Variants in VPS13B observed in about 807,000 individuals in gnomAD.
VPS13B encodes vacuolar protein sorting 13 homolog B, also known as intermembrane lipid transfer protein VPS13B.
A neutral mutation model predicts 426.4 loss-of-function variants in VPS13B; 285 were observed. That is an observed-to-expected ratio of 0.67 (90% confidence interval 0.61 to 0.74). The LOEUF (loss-of-function observed/expected upper bound fraction) is 0.74. VPS13B is among the 30% of genes least tolerant of loss of function. The pLI is 0.00. For missense variants in VPS13B, 4,537 were observed against 4,782.6 expected (o/e 0.95, Z 1.51); for synonymous variants, 1,676 against 1,676.4 (o/e 1.00, Z 0.01).
At chr8:99,259,973 A>G (rs779918074) in intron 17 of VPS13B, among the ~76,000 whole-genome samples, 2 of 152,078 alleles carry the variant, frequency 1.3e-5, no homozygotes, top group Non-Finnish European at 2.9e-5. Context: ...GACTTTTAAA[A>G]TAATTGAAGA....
intron 22 of VPS13B, among the ~76,000 whole-genome samples, chr8:99,438,915 T>G (rs1040988649): frequency 2.6e-5 from 4 of 152,188 alleles, no homozygotes; most frequent in African/African-American, 7.2e-5. Flanking sequence ...ATATATGGGA[T>G]CTCGCCTATA....
chr8:99,857,893 C>G (rs1367341395), intron 56 of VPS13B, among the ~76,000 whole-genome samples: 1 of 152,224 alleles, frequency 6.6e-6, no homozygotes, highest in African/African-American at 2.4e-5. Flanking sequence ...ATTATTCCCT[C>G]CTTTGCCCTA....
chr8:99,270,131 C>CTTTTTTTTGTTTTTTTT lies in VPS13B; in HGVS notation c.2516-4059_2516-4058insGTTTTTTTTTTTTTTTT, dbSNP rs1818504327. Among the ~76,000 whole-genome samples, 2 of 30,312 alleles carry CTTTTTTTTGTTTTTTTT rather than the reference C, an allele frequency of 6.6e-5. 1 individual carries two copies. The highest frequency in any genetic ancestry group is 2.2e-4 in the African/African-American group (2 of 9,054). The allele number at this position is 30,312 out of a possible 152,430, so 19.9% of individuals were successfully genotyped here. A position where few individuals can be genotyped will look rare whatever the true frequency, so the allele number is the denominator to read the frequency against. ...ATATAGGTATATAAGATATAAGAAT[C>CTTTTTTTTGTTTTTTTT]TTTTTTTTTTTTTTTTTTTTTTTTT... On this transcript the variant is annotated intron_variant, in intron 17 of 61. Transcript: ENST00000357162.
At chr8:99,710,619 G>A (rs752888008) in intron 36 of VPS13B, among the ~76,000 whole-genome samples, 29 of 125,456 alleles carry the variant, frequency 2.3e-4, no homozygotes, top group Non-Finnish European at 4.1e-4. Flanking sequence ...CGTATTTTGT[G>A]GTAAAAGTGT....
intron 35 of VPS13B, among the ~76,000 whole-genome samples, chr8:99,679,120 T>G (rs1365448226): frequency 6.6e-6 from 1 of 152,216 alleles, no homozygotes; most frequent in East Asian, 1.9e-4. Flanking sequence ...TCTTCTGGAA[T>G]AGTTTCCCTT....
At chr8:99,726,873 A>G (rs1833372129) in intron 39 of VPS13B, among the ~76,000 whole-genome samples, 1 of 152,202 alleles carries the variant, frequency 6.6e-6, no homozygotes. Context: ...TAAGTTACCC[A>G]GTATGAAGTA....
At chr8:99,176,408 A>G (rs1012441428) in intron 16 of VPS13B, among the ~76,000 whole-genome samples, 1 of 152,100 alleles carries the variant, frequency 6.6e-6, no homozygotes, top group South Asian at 2.1e-4. Context: ...AAGTGCTGGG[A>G]TTACAGGCAT....
rs185669157 is a variant in VPS13B at position 99,116,419 on chromosome 8, T to C, written c.937+545T>C. Among the ~76,000 whole-genome samples the C allele has an allele frequency of 2.2e-3, 328 of 152,244 alleles. 3 individuals carry two copies. The highest frequency in any genetic ancestry group is 4.8e-3 in the South Asian group (23 of 4,828). On this transcript the variant is annotated intron_variant, in intron 7 of 61. Transcript: ENST00000357162. ...ATAACTTCTATATTTATAATAGATA[T>C]AAGTGTTCAGAATGTACTACTTATT...
At chr8:99,627,502 A>G (rs1193257849) in intron 33 of VPS13B, among the ~76,000 whole-genome samples, 3 of 151,992 alleles carry the variant, frequency 2.0e-5, no homozygotes, top group Admixed American at 6.6e-5. Context: ...TGCAACCTCC[A>G]CCTCCCAAGT....
chr8:99,023,956 T>G (rs1455888330), intron 2 of VPS13B, among the ~76,000 whole-genome samples: 3 of 152,230 alleles, frequency 2.0e-5, no homozygotes, highest in Non-Finnish European at 4.4e-5. Flanking sequence ...TAGTTCTATT[T>G]TCAGCTTTTT....
chr8:99,374,733 G>A lies in VPS13B; in HGVS notation c.2825-9475G>A, dbSNP rs182803102. Among the ~76,000 whole-genome samples the A allele has an allele frequency of 5.9e-5, 9 of 152,214 alleles. No individual in the cohort carries two copies. The East Asian group carries it at 1.3e-3, about 23-fold the overall frequency. On this transcript the variant is annotated intron_variant, in intron 19 of 61. Coordinates refer to ENST00000357162, the MANE Select transcript of VPS13B (RefSeq NM_152564.5). The stretch of plus-strand genomic sequence containing the variant: ...TCTTTGGCTTTTATTCCATACTTGA[G>A]CTGTATCTTATTCTTTTAAAATTTA...
intron 3 of VPS13B, among the ~76,000 whole-genome samples, chr8:99,039,912 T>G (rs1283728892): frequency 2.0e-5 from 3 of 152,190 alleles, no homozygotes; most frequent in Non-Finnish European, 1.5e-5. Context: ...ACTTCTAATA[T>G]TTGAGAGATT....
At chr8:99,239,176 T>G (rs1816788373) in intron 17 of VPS13B, among the ~76,000 whole-genome samples, 1 of 152,192 alleles carries the variant, frequency 6.6e-6, no homozygotes, top group Non-Finnish European at 1.5e-5. Flanking sequence ...CAGATACTAA[T>G]GACTGACCCT....
At position 99,556,593 on chromosome 8, in the gene VPS13B, T is replaced by C. The variant is rs769608908; in HGVS notation, c.4889T>C (p.Val1630Ala). ...KPEKESVSGG[V>A]VTETERNSQN... The stretch of plus-strand genomic sequence containing the variant: ...GAGAAGGAAAGTGTCTCAGGAGGGG[T>C]GGTAACAGAGACTGAAAGGAATTCT... Residue 1630 changes from valine to alanine, a missense_variant, in exon 31 of 62, where the codon GTG becomes GCG. Physicochemically the swap from Val to Ala is moderately conservative, Grantham distance 64. Coordinates refer to ENST00000357162, the MANE Select transcript of VPS13B (RefSeq NM_152564.5). The C allele has an allele frequency of 5.6e-6, 9 of 1,612,748 alleles. No homozygotes were observed. The highest frequency in any genetic ancestry group is 7.6e-6 in the Non-Finnish European group (9 of 1,179,426).
chr8:99,601,528 C>G (rs917728511), intron 33 of VPS13B, among the ~76,000 whole-genome samples: 3 of 152,174 alleles, frequency 2.0e-5, no homozygotes, highest in East Asian at 1.9e-4. Flanking sequence ...AATGGGATTG[C>G]TGGGTCAAAT....
At chr8:99,868,242 C>T (rs377120593) in intron 58 of VPS13B, 47 bp from the exon 59 acceptor site, 62 of 1,612,268 alleles carry the variant, frequency 3.8e-5, no homozygotes, top group African/African-American at 3.5e-4. Context: ...TTTCATTTTC[C>T]GAGGATTTTA....
intron 19 of VPS13B, among the ~76,000 whole-genome samples, chr8:99,307,038 C>G (rs1820676067): frequency 6.6e-6 from 1 of 152,056 alleles, no homozygotes; most frequent in Middle Eastern, 3.2e-3. Context: ...AATAAAAGTA[C>G]ACACACGGAT....
intron 15 of VPS13B, among the ~76,000 whole-genome samples, chr8:99,168,038 CTGAT>C (rs1267824633): frequency 6.6e-6 from 1 of 152,028 alleles, no homozygotes; most frequent in African/African-American, 2.4e-5. Flanking sequence ...ATCTATGTAT[CTGAT>C]TGCTGTAATT....
intron 33 of VPS13B, among the ~76,000 whole-genome samples, chr8:99,618,235 G>A (rs993782637): frequency 6.9e-6 from 1 of 145,092 alleles, no homozygotes; most frequent in Admixed American, 7.1e-5. Flanking sequence ...AGTAGCAAAT[G>A]TACTATTAAT....
Sources: gnomAD v4.1 joint callset for allele counts (sites outside exome capture counted in the v4.1 genomes callset) on GRCh38, gnomAD v4.1.1 for gene constraint, MANE v1.5 for transcripts, NCBI Gene and HGNC (gene_info 2026-07-23, HGNC 2026-07-21) for gene names.